PTPRD: variants seen among roughly 807,000 people sequenced by gnomAD.
The protein encoded by PTPRD is receptor-type tyrosine-protein phosphatase delta.
In PTPRD, 34 loss-of-function variants were observed where a neutral mutation model predicts 214.5. The ratio of observed to expected loss-of-function variants is 0.16; its 90% CI spans 0.12 to 0.21. The LOEUF (loss-of-function observed/expected upper bound fraction) is 0.21. PTPRD is among the 10% of genes least tolerant of loss of function. The pLI is 1.00. For missense variants in PTPRD, 2,545 were observed against 2,398.7 expected (o/e 1.06, Z -1.27); for synonymous variants, 1,128 against 845.7 (o/e 1.33, Z -5.79).
intron 2 of PTPRD, among the ~76,000 whole-genome samples, chr9:10,391,363 G>T (rs10959089): frequency 1.1e-4 from 16 of 151,332 alleles, no homozygotes; most frequent in Non-Finnish European, 8.9e-5. Context: ...AGTCAGAGAG[G>T]GGCCTAATAT....
chr9:10,425,909 A>G (rs1363792957), intron 2 of PTPRD, among the ~76,000 whole-genome samples: 1 of 151,968 alleles, frequency 6.6e-6, no homozygotes, highest in Admixed American at 6.6e-5. Context: ...ATCTTATTAA[A>G]TTGAACTATT....
chr9:9,376,765 A>G (rs1422007832), intron 9 of PTPRD, among the ~76,000 whole-genome samples: 1 of 152,122 alleles, frequency 6.6e-6, no homozygotes, highest in Non-Finnish European at 1.5e-5. Flanking sequence ...GCAGTATAAC[A>G]TTTTGTTCAC....
In PTPRD at chr9:9,019,321, A is replaced by AAAGG. The variant is rs1554629441; in HGVS notation, c.-142-587_-142-586insCCTT. Reference sequence around the variant, plus strand: ...GAAAGAAAGAAAGAAAGAAAGAAAGAAAGAAAGAAAGAAAGAACGAAAGAA... The same window carrying AAAGG: ...GAAAGAAAGAAAGAAAGAAAGAAAGAAAGGAAGAAAGAAAGAAAGAACGAAAGAA... On this transcript the variant is annotated intron_variant, in intron 10 of 45. Coordinates refer to ENST00000381196, the MANE Select transcript of PTPRD (RefSeq NM_002839.4). Among the ~76,000 whole-genome samples, 233 of 87,698 alleles carry AAAGG rather than the reference A, an allele frequency of 2.7e-3. 2 individuals carry two copies. The highest frequency in any genetic ancestry group is 5.6e-3 in the Middle Eastern group (1 of 178). 57.5% of individuals were successfully genotyped at this position (87,698 alleles called of 152,430 possible). A position where few individuals can be genotyped will look rare whatever the true frequency, so the allele number is the denominator to read the frequency against.
intron 11 of PTPRD, among the ~76,000 whole-genome samples, chr9:8,989,335 C>G (rs377416519): frequency 6.6e-6 from 1 of 151,998 alleles, no homozygotes; most frequent in Non-Finnish European, 1.5e-5. Flanking sequence ...TTTCATACCC[C>G]TTAACCAATT....
At position 9,267,025 on chromosome 9, in the gene PTPRD, G is replaced by A. The variant is rs565465015; in HGVS notation, c.-202-83662C>T. On this transcript the variant is annotated intron_variant, in intron 9 of 45. Coordinates refer to ENST00000381196, the MANE Select transcript of PTPRD (RefSeq NM_002839.4). ...AAACTAAGAGTTCATTTTCTGTAAAGAAAAGAACATCAACAAACTTTTAGC... is the reference window on the plus strand; with the variant it reads ...AAACTAAGAGTTCATTTTCTGTAAAAAAAAGAACATCAACAAACTTTTAGC... 2.0e-5 allele frequency among the ~76,000 whole-genome samples: 3 copies of A among 151,218 alleles called. No homozygotes were observed. In the South Asian group the frequency reaches 6.2e-4, roughly 31 times the overall value.
At chr9:9,869,432 A>C (rs1270112896) in intron 5 of PTPRD, among the ~76,000 whole-genome samples, 1 of 152,096 alleles carries the variant, frequency 6.6e-6, no homozygotes, top group African/African-American at 2.4e-5. Context: ...CACCAGCTGA[A>C]TTCACCTATA....
chr9:8,337,744 G>C (rs1008461942), intron 43 of PTPRD, among the ~76,000 whole-genome samples: 1 of 152,132 alleles, frequency 6.6e-6, no homozygotes, highest in Admixed American at 6.6e-5. Context: ...GTGTGGAATA[G>C]GAAAGGTGTC....
chr9:10,599,674 T>A (rs2077485279), intron 2 of PTPRD, among the ~76,000 whole-genome samples: 1 of 151,906 alleles, frequency 6.6e-6, no homozygotes, highest in East Asian at 1.9e-4. Flanking sequence ...CTTCTATTCA[T>A]TTGGTTGTTA....
At chr9:9,159,892 T>C (rs2099884930) in intron 10 of PTPRD, among the ~76,000 whole-genome samples, 2 of 152,048 alleles carry the variant, frequency 1.3e-5, no homozygotes, top group Non-Finnish European at 2.9e-5. Flanking sequence ...AGCCCAGAAA[T>C]AAATCTAGTC....
chr9:9,626,427 T>C (rs1174363844), intron 7 of PTPRD, among the ~76,000 whole-genome samples: 1 of 152,182 alleles, frequency 6.6e-6, no homozygotes, highest in Admixed American at 6.5e-5. Flanking sequence ...GAAAGGCCAT[T>C]CATGTACATG....
intron 11 of PTPRD, among the ~76,000 whole-genome samples, chr9:8,994,267 C>A (rs1195051813): frequency 6.6e-6 from 1 of 152,046 alleles, no homozygotes; most frequent in Non-Finnish European, 1.5e-5. Flanking sequence ...AATAGGGATG[C>A]ACTTGAAAGG....
chr9:10,195,098 A>ATTTTTTTT (rs34900305), intron 3 of PTPRD, among the ~76,000 whole-genome samples: 630 of 97,788 alleles, frequency 6.4e-3, no homozygotes, highest in African/African-American at 0.01. Context: ...ATACCCGGCT[A>ATTTTTTTT]TTTTTTTTTT....
At chr9:8,423,330 A>G (rs1233969397) in intron 35 of PTPRD, among the ~76,000 whole-genome samples, 1 of 152,176 alleles carries the variant, frequency 6.6e-6, no homozygotes, top group Non-Finnish European at 1.5e-5. Context: ...TAAATTCTTA[A>G]GCTAATGGAA....
chr9:9,511,454 T>C, intron 8 of PTPRD, among the ~76,000 whole-genome samples: 1 of 151,852 alleles, frequency 6.6e-6, no homozygotes, highest in South Asian at 2.1e-4. Context: ...ATGTAATAAA[T>C]ATCTAGGCTG....
chr9:10,508,527 C>T (rs2046856570), intron 2 of PTPRD, among the ~76,000 whole-genome samples: 1 of 152,014 alleles, frequency 6.6e-6, no homozygotes, highest in Non-Finnish European at 1.5e-5. Context: ...TTCACAATAG[C>T]AAAGACTTGG....
chr9:8,491,060 G>T (rs1386471583), intron 27 of PTPRD, among the ~76,000 whole-genome samples: 1 of 152,236 alleles, frequency 6.6e-6, no homozygotes, highest in Non-Finnish European at 1.5e-5. Flanking sequence ...AGTAGCGGCT[G>T]CTTATGCAAA....
chr9:8,968,019 C>G (rs901923473), intron 11 of PTPRD, among the ~76,000 whole-genome samples: 1 of 151,708 alleles, frequency 6.6e-6, no homozygotes, highest in African/African-American at 2.4e-5. Flanking sequence ...TTTTTTTTTC[C>G]CTGCGATAGT....
intron 21 of PTPRD, among the ~76,000 whole-genome samples, chr9:8,511,369 C>T (rs2097678136): frequency 6.6e-6 from 1 of 152,170 alleles, no homozygotes; most frequent in African/African-American, 2.4e-5. Flanking sequence ...CTGTGCCTCG[C>T]CTTCTTACAC....
At position 9,233,338 on chromosome 9, in the gene PTPRD, A is replaced by T. The variant is rs2099964358; in HGVS notation, c.-202-49975T>A. Among the ~76,000 whole-genome samples the T allele has an allele frequency of 3.3e-5, 5 of 152,168 alleles. No homozygotes were observed. In the South Asian group the frequency reaches 1.0e-3, roughly 31 times the overall value. On this transcript the variant is annotated intron_variant, in intron 9 of 45. Transcript: ENST00000381196. ...GAACAATATGGGGGTAACTGCCCCC[A>T]AGATTCAATTACCTCCCAACAGGTC...
Sources: allele counts gnomAD v4.1 joint callset (sites outside exome capture counted in the v4.1 genomes callset), GRCh38; gene constraint gnomAD v4.1.1; transcripts MANE v1.5; gene names NCBI Gene and HGNC (gene_info 2026-07-23, HGNC 2026-07-21).